The following SOD2 variants were observed in gnomAD, a reference collection of about 807,000 sequenced individuals.
The protein encoded by SOD2 is superoxide dismutase 2.
SOD2 carries 11 observed loss-of-function variants against 27.0 expected under a neutral mutation model. The observed-to-expected ratio is 0.41, with a 90% CI of 0.26 to 0.67. The LOEUF (loss-of-function observed/expected upper bound fraction) is 0.67. Ranked by LOEUF, SOD2 falls within the 30% of genes least tolerant of loss-of-function variation. The pLI is 0.34. For synonymous variants in SOD2, 105 were observed against 103.0 expected (o/e 1.02, Z -0.12); for missense variants, 250 against 274.5 (o/e 0.91, Z 0.63).
chr6:159,753,783 A>G (rs1475387059), intron 1 of SOD2, among the ~76,000 whole-genome samples: 1 of 152,164 alleles, frequency 6.6e-6, no homozygotes, highest in Non-Finnish European at 1.5e-5. Context: ...ACAAAGCCAT[A>G]TAATTTTAGT....
intron 1 of SOD2, among the ~76,000 whole-genome samples, chr6:159,711,034 A>ACACTGCTCTGATCACCATAACCGCCTCC (rs747680075): frequency 2.1e-5 from 1 of 47,948 alleles, no homozygotes; most frequent in African/African-American, 8.2e-5. Context: ...ACCACCACTC[A>ACACTGCTCTGATCACCATAACCGCCTCC]ACAGCTCTGA....
chr6:159,743,327 G>A (rs531838450), intron 1 of SOD2, among the ~76,000 whole-genome samples: 2 of 152,352 alleles, frequency 1.3e-5, no homozygotes, highest in Non-Finnish European at 2.9e-5. Context: ...GATTACAGGC[G>A]TGAGCCTCTG....
intron 1 of SOD2, among the ~76,000 whole-genome samples, chr6:159,751,144 G>A (rs1217548714): frequency 1.3e-5 from 2 of 152,196 alleles, no homozygotes; most frequent in Non-Finnish European, 2.9e-5. Flanking sequence ...ACAACTACTT[G>A]TAATTAAATT....
intron 1 of SOD2, among the ~76,000 whole-genome samples, chr6:159,734,496 G>A (rs914381161): frequency 3.2e-4 from 48 of 152,130 alleles, no homozygotes; most frequent in Admixed American, 5.2e-4. Context: ...AGTAAGGGAA[G>A]ATTCATGAGT....
chr6:159,721,665 T>A (rs1434910679), intron 1 of SOD2, among the ~76,000 whole-genome samples: 1 of 144,838 alleles, frequency 6.9e-6, no homozygotes, highest in Non-Finnish European at 1.5e-5. Flanking sequence ...CATGAGCCAC[T>A]GCGGCTGACC....
At position 159,684,971 on chromosome 6, in the gene SOD2, T is replaced by C; in HGVS notation, c.406A>G (p.Thr136Ala). The C allele has an allele frequency of 3.1e-6, 5 of 1,613,614 alleles. No homozygotes were observed. The highest frequency in any genetic ancestry group is 2.2e-5 in the South Asian group (2 of 91,050). ...GSFDKFKEKL[T>A]AASVGVQGSG... ...CCTTGGACACCAACAGATGCAGCCGTCAGCTTCTCCTTAAACTTGTCAAAG... is the reference window on the plus strand; with the variant it reads ...CCTTGGACACCAACAGATGCAGCCGCCAGCTTCTCCTTAAACTTGTCAAAG... The change falls in exon 4 of 5, where the codon ACG becomes GCG. Residue 136 changes from threonine to alanine, a missense_variant. Physicochemically the swap from Thr to Ala is moderately conservative, Grantham distance 58 (BLOSUM62 0). Coordinates refer to ENST00000538183, the MANE Select transcript of SOD2 (RefSeq NM_000636.4).
At chr6:159,742,178 A>C in intron 1 of SOD2, 1 of 1,517,304 alleles carries the variant, frequency 6.6e-7, no homozygotes, top group Admixed American at 2.1e-5. Context: ...CTAAAGACTG[A>C]ATAATCTCCT....
upstream of SOD2, among the ~76,000 whole-genome samples, chr6:159,693,944 C>T (rs571137586): frequency 6.6e-6 from 1 of 152,212 alleles, no homozygotes; most frequent in Non-Finnish European, 1.5e-5. Flanking sequence ...ACGACGTGCC[C>T]GAGACTGCAG....
At chr6:159,687,246 A>G (rs535674258) in intron 3 of SOD2, among the ~76,000 whole-genome samples, 25 of 152,294 alleles carry the variant, frequency 1.6e-4, no homozygotes, top group African/African-American at 6.0e-4. Flanking sequence ...GCACTTTGGG[A>G]GGCCAAGGTG....
At chr6:159,684,801 T>C in intron 4 of SOD2, 53 bp downstream of exon 4, 7 of 1,378,680 alleles carry the variant, frequency 5.1e-6, no homozygotes, top group Non-Finnish European at 6.9e-6. Flanking sequence ...TCTAGTTGAA[T>C]GCTTTACAGT....
At chr6:159,703,278 C>G (rs1777559915) in intron 1 of SOD2, among the ~76,000 whole-genome samples, 1 of 152,182 alleles carries the variant, frequency 6.6e-6, no homozygotes, top group South Asian at 2.1e-4. Context: ...TGCGCCATTG[C>G]ACTCCAGCCT....
chr6:159,706,505 T>C (rs1461835350), intron 1 of SOD2, among the ~76,000 whole-genome samples: 2 of 151,840 alleles, frequency 1.3e-5, no homozygotes, highest in African/African-American at 2.4e-5. Context: ...CCAACAAAGA[T>C]CAAAAGAGAC....
rs1275473661 is a variant in SOD2 at position 159,673,692 on chromosome 6, A to G, written c.*8801T>C. On this transcript the variant is annotated 3_prime_UTR_variant, in exon 5 of 5. Coordinates refer to ENST00000538183, the MANE Select transcript of SOD2 (RefSeq NM_000636.4). Reference sequence around the variant, plus strand: ...CTAACATCACAATTAAAAATATTAGAGAAGCAAGAGCAAACACATTCAACA... The same window carrying G: ...CTAACATCACAATTAAAAATATTAGGGAAGCAAGAGCAAACACATTCAACA... 1 of 152,242 alleles carries G rather than the reference A, an allele frequency of 6.6e-6. No individual in the cohort carries two copies. Among genetic ancestry groups the G allele is most frequent in the African/African-American group, 2.4e-5 (1 of 41,462 alleles). The allele number at this position is 152,242 out of a possible 1,614,324, so 9.4% of individuals were successfully genotyped here. A position where few individuals can be genotyped will look rare whatever the true frequency, so the allele number is the denominator to read the frequency against.
Position 159,684,948 on chromosome 6 carries a change from T to C in SOD2, c.429A>G (p.Gln143=), listed in dbSNP as rs1583006997. The change falls in exon 4 of 5, where the codon CAA becomes CAG. Residue 143 remains glutamine (Q), a synonymous_variant. Transcript: ENST00000538183. The stretch of plus-strand genomic sequence containing the variant: ...AACCAAGCCAACCCCAACCTGAGCC[T>C]TGGACACCAACAGATGCAGCCGTCA... ...EKLTAASVGV[Q]GSGWGWLGFN... is the part of the protein sequence containing the mutation. The C allele has an allele frequency of 6.2e-7, 1 of 1,613,844 alleles. No individual in the cohort carries two copies. The highest frequency in any genetic ancestry group is 8.5e-7 in the Non-Finnish European group (1 of 1,179,886).
At position 159,693,126 on chromosome 6, in the gene SOD2, G is replaced by C. The variant is rs768198339; in HGVS notation, c.23+19C>G. 13 of 1,528,992 alleles carry C rather than the reference G, an allele frequency of 8.5e-6. No individual in the cohort carries two copies. The Admixed American group carries it at 2.4e-4, about 29-fold the overall frequency. The allele number at this position is 1,528,992 out of a possible 1,614,324, so 94.7% of individuals were successfully genotyped here. ...CCCCTTCGCCCTTGGGGCCGTGACC[G>C]GGTCCCCTTTCTTCTCACCCGCACA... On this transcript the variant is annotated intron_variant, in intron 1 of 4. Transcript: ENST00000538183.
chr6:159,684,749 A>G, intron 4 of SOD2, 105 bp downstream of exon 4: 1 of 900,600 alleles, frequency 1.1e-6, no homozygotes, highest in South Asian at 2.4e-5. Context: ...TAAGATTTGC[A>G]AATTATTACA....
In SOD2 at chr6:159,673,231, G is replaced by A. The variant is rs1052805467; in HGVS notation, c.*9262C>T. The A allele has an allele frequency of 2.0e-5, 3 of 152,114 alleles. No individual in the cohort carries two copies. The highest frequency in any genetic ancestry group is 2.0e-4 in the Admixed American group (3 of 15,262). 9.4% of individuals were successfully genotyped at this position (152,114 alleles called of 1,614,324 possible). A position where few individuals can be genotyped will look rare whatever the true frequency, so the allele number is the denominator to read the frequency against. ...CAAGGATATCCAGGAATTGAATTCA[G>A]CTCTGCACCAAGCAGACCTAATAGA... On this transcript the variant is annotated 3_prime_UTR_variant, in exon 5 of 5. Transcript: ENST00000538183.
intron 1 of SOD2, chr6:159,738,996 T>C (rs1247204762): frequency 2.5e-6 from 4 of 1,611,232 alleles, no homozygotes; most frequent in East Asian, 2.2e-5. Flanking sequence ...ATAGGTTCGA[T>C]TGAGTGAAAC....
chr6:159,704,584 G>A (rs952248856), intron 1 of SOD2, among the ~76,000 whole-genome samples: 4 of 152,174 alleles, frequency 2.6e-5, no homozygotes, highest in Admixed American at 6.5e-5. Context: ...GGGGAGGGGC[G>A]CCTGCCATTG....
Sources: gnomAD v4.1 joint callset for allele counts (sites outside exome capture counted in the v4.1 genomes callset) on GRCh38, gnomAD v4.1.1 for gene constraint, MANE v1.5 for transcripts, NCBI Gene and HGNC (gene_info 2026-07-23, HGNC 2026-07-21) for gene names.